Variants in LRRC4C observed in about 807,000 individuals in gnomAD.
The protein encoded by LRRC4C is leucine-rich repeat-containing protein 4C.
In LRRC4C, 5 loss-of-function variants were observed where a neutral mutation model predicts 33.6. That is an observed-to-expected ratio of 0.15 (90% CI 0.08 to 0.31). LRRC4C has a LOEUF of 0.31. Ranked by LOEUF, LRRC4C falls within the 10% of genes least tolerant of loss-of-function variation. The pLI is 1.00. For synonymous variants in LRRC4C, 329 were observed against 302.0 expected (o/e 1.09, Z -0.93); for missense variants, 560 against 796.7 (o/e 0.70, Z 3.58).
At chr11:40,646,536 G>A (rs1037697056) in intron 3 of LRRC4C, among the ~76,000 whole-genome samples, 1 of 152,094 alleles carries the variant, frequency 6.6e-6, no homozygotes, top group Non-Finnish European at 1.5e-5. Context: ...TGTATAAATA[G>A]AAAGACCAAG....
At chr11:41,140,745 G>A (rs995703527) in intron 1 of LRRC4C, among the ~76,000 whole-genome samples, 1 of 120,058 alleles carries the variant, frequency 8.3e-6, no homozygotes, top group African/African-American at 2.9e-5. Context: ...TGGTCAGAAA[G>A]TTTCTCCTTA....
At chr11:40,333,612 G>A (rs867934774) in intron 3 of LRRC4C, among the ~76,000 whole-genome samples, 54 of 151,488 alleles carry the variant, frequency 3.6e-4, no homozygotes, top group Middle Eastern at 3.4e-3. Context: ...AGCTACTCAG[G>A]GGGCTGAGGC....
chr11:40,908,650 A>C (rs1956532945), intron 2 of LRRC4C, among the ~76,000 whole-genome samples: 1 of 152,192 alleles, frequency 6.6e-6, no homozygotes, highest in African/African-American at 2.4e-5. Context: ...CCCAAAATGA[A>C]GAAGTGCTCT....
chr11:41,121,890 G>A (rs573617837), intron 1 of LRRC4C, among the ~76,000 whole-genome samples: 3 of 151,690 alleles, frequency 2.0e-5, no homozygotes, highest in East Asian at 3.9e-4. Context: ...AGGAGAGTCT[G>A]CCTGAGGACT....
intron 5 of LRRC4C, among the ~76,000 whole-genome samples, chr11:40,171,967 A>G (rs987881839): frequency 6.6e-6 from 1 of 152,182 alleles, no homozygotes; most frequent in Non-Finnish European, 1.5e-5. Flanking sequence ...CCGTAAGCTG[A>G]GATTGCACCA....
intron 1 of LRRC4C, among the ~76,000 whole-genome samples, chr11:41,443,089 A>ATTTTTTTTTTTTTTTTTTTTTTTTTTAT: frequency 2.8e-5 from 3 of 105,994 alleles, no homozygotes; most frequent in African/African-American, 3.7e-5. Flanking sequence ...TGTTTGCTTC[A>ATTTTTTTTTTTTTTTTTTTTTTTTTTAT]TTTTTTTTTT....
intron 2 of LRRC4C, among the ~76,000 whole-genome samples, chr11:40,697,837 A>G (rs1945651786): frequency 6.6e-6 from 1 of 152,142 alleles, no homozygotes; most frequent in Non-Finnish European, 1.5e-5. Flanking sequence ...CGAGAGGCCA[A>G]GGCGGGTGGA....
chr11:40,207,561 C>T (rs958770114), intron 5 of LRRC4C, among the ~76,000 whole-genome samples: 18 of 152,268 alleles, frequency 1.2e-4, no homozygotes, highest in Middle Eastern at 3.4e-3. Flanking sequence ...ATGATCATGC[C>T]ACTGCCACTC....
chr11:40,709,518 T>C (rs1177442276), intron 2 of LRRC4C, among the ~76,000 whole-genome samples: 1 of 152,164 alleles, frequency 6.6e-6, no homozygotes, highest in Non-Finnish European at 1.5e-5. Context: ...TCTTTAAGAA[T>C]GTTGAATATT....
chr11:40,398,164 G>C (rs1334850010), intron 3 of LRRC4C, among the ~76,000 whole-genome samples: 3 of 151,998 alleles, frequency 2.0e-5, no homozygotes, highest in Non-Finnish European at 4.4e-5. Context: ...AGATGACTAT[G>C]ATAGCTTGTT....
At chr11:41,110,554 A>T (rs1941770578) in intron 1 of LRRC4C, among the ~76,000 whole-genome samples, 1 of 152,124 alleles carries the variant, frequency 6.6e-6, no homozygotes, top group Non-Finnish European at 1.5e-5. Context: ...CATCGCAGGC[A>T]TACATGAAGC....
In LRRC4C at chr11:41,370,025, T is replaced by C. The variant is rs1178458612; in HGVS notation, c.-496+89406A>G. ...TTTACATTTTTTTCAAATTAGATCA[T>C]TTCTGGATGCAAGTCACTAAAACGG... On this transcript the variant is annotated intron_variant, in intron 1 of 6. Transcript: ENST00000528697. Among the ~76,000 whole-genome samples, 3 of 152,290 alleles carry C rather than the reference T, an allele frequency of 2.0e-5. No individual in the cohort carries two copies. The East Asian group carries it at 5.8e-4, about 29-fold the overall frequency.
intron 1 of LRRC4C, among the ~76,000 whole-genome samples, chr11:41,317,248 ATT>A (rs34146024): frequency 2.6e-3 from 388 of 148,856 alleles, no homozygotes; most frequent in African/African-American, 8.8e-3. Context: ...TAAGCCACTG[ATT>A]TTTTTTTTTT....
At chr11:40,536,776 A>C (rs897181735) in intron 3 of LRRC4C, among the ~76,000 whole-genome samples, 3 of 151,956 alleles carry the variant, frequency 2.0e-5, no homozygotes, top group Non-Finnish European at 4.4e-5. Flanking sequence ...CAAGGGCTTC[A>C]TTAACTACCT....
intron 5 of LRRC4C, among the ~76,000 whole-genome samples, chr11:40,143,569 C>A (rs1321608284): frequency 6.6e-6 from 1 of 152,036 alleles, no homozygotes; most frequent in African/African-American, 2.4e-5. Context: ...CAGACCTATA[C>A]CTACACCTGC....
At chr11:41,187,558 A>G (rs1945751705) in intron 1 of LRRC4C, among the ~76,000 whole-genome samples, 1 of 152,158 alleles carries the variant, frequency 6.6e-6, no homozygotes, top group African/African-American at 2.4e-5. Flanking sequence ...CTACTGCTCA[A>G]TAAAAAAGCC....
At chr11:40,704,079 T>C (rs1302567258) in intron 2 of LRRC4C, among the ~76,000 whole-genome samples, 1 of 152,088 alleles carries the variant, frequency 6.6e-6, no homozygotes, top group African/African-American at 2.4e-5. Flanking sequence ...ACAATACAAC[T>C]ACAAAAAATA....
At chr11:41,270,582 G>T (rs978026167) in intron 1 of LRRC4C, among the ~76,000 whole-genome samples, 3 of 152,040 alleles carry the variant, frequency 2.0e-5, no homozygotes, top group Non-Finnish European at 2.9e-5. Context: ...TTCAGTCAAA[G>T]TAAGAGAAAT....
intron 3 of LRRC4C, among the ~76,000 whole-genome samples, chr11:40,411,490 T>C (rs1424324891): frequency 1.3e-5 from 2 of 152,100 alleles, no homozygotes; most frequent in Non-Finnish European, 2.9e-5. Flanking sequence ...GATCCACTGC[T>C]CCGGAATGTA....
Sources: gnomAD v4.1 joint callset for allele counts (sites outside exome capture counted in the v4.1 genomes callset) on GRCh38, gnomAD v4.1.1 for gene constraint, MANE v1.5 for transcripts, NCBI Gene and HGNC (gene_info 2026-07-23, HGNC 2026-07-21) for gene names.